The following PTPN2 variants were observed in gnomAD, a reference collection of about 807,000 sequenced individuals.
PTPN2 encodes tyrosine-protein phosphatase non-receptor type 2.
Under a neutral mutation model 57.3 loss-of-function variants are expected in PTPN2, and 19 were observed. The ratio of observed to expected loss-of-function variants is 0.33; its 90% CI spans 0.23 to 0.49. The LOEUF is 0.49. PTPN2 is among the 20% of genes least tolerant of loss of function. The pLI, the probability that PTPN2 is intolerant of heterozygous loss-of-function variation, is 0.99. For missense variants in PTPN2, 358 were observed against 501.1 expected (o/e 0.71, Z 2.73); for synonymous variants, 153 against 164.9 (o/e 0.93, Z 0.55).
intron 5 of PTPN2, among the ~76,000 whole-genome samples, chr18:12,818,729 A>G (rs2042165258): frequency 6.6e-6 from 1 of 152,032 alleles, no homozygotes; most frequent in Admixed American, 6.6e-5. Context: ...TTTAACAACT[A>G]AAGATTATTA....
intron 8 of PTPN2, among the ~76,000 whole-genome samples, chr18:12,799,966 T>C (rs2041350921): frequency 6.6e-6 from 1 of 152,134 alleles, no homozygotes; most frequent in African/African-American, 2.4e-5. Context: ...GTTTTTGTAA[T>C]CAGACTTCTC....
chr18:12,849,691 G>A (rs1294541191), intron 2 of PTPN2, among the ~76,000 whole-genome samples: 2 of 152,044 alleles, frequency 1.3e-5, no homozygotes, highest in Non-Finnish European at 2.9e-5. Context: ...CTAATCCTTT[G>A]TTAGGATTTC....
At chr18:12,786,787 C>T (rs1020744867) in intron 9 of PTPN2, 3 of 152,224 alleles carry the variant, frequency 2.0e-5, no homozygotes, top group African/African-American at 7.2e-5. Context: ...AGACAGGGCA[C>T]TTGGCATAAT....
chr18:12,840,633 C>T, intron 2 of PTPN2: 1 of 1,494,886 alleles, frequency 6.7e-7, no homozygotes. Context: ...CGCACTGTCA[C>T]TCAGGGAAGT....
At chr18:12,881,300 G>A (rs920915016) in intron 1 of PTPN2, among the ~76,000 whole-genome samples, 16 of 152,274 alleles carry the variant, frequency 1.1e-4, no homozygotes, top group Non-Finnish European at 2.4e-4. Flanking sequence ...AACCGGGCAT[G>A]GTGGTGTGTG....
intron 8 of PTPN2, among the ~76,000 whole-genome samples, chr18:12,800,231 A>T (rs1376223638): frequency 6.6e-6 from 1 of 152,158 alleles, no homozygotes; most frequent in Non-Finnish European, 1.5e-5. Flanking sequence ...TGAGTGATTT[A>T]ACTCACTAGG....
intron 1 of PTPN2, among the ~76,000 whole-genome samples, chr18:12,878,514 A>G (rs142279171): frequency 6.6e-6 from 1 of 151,972 alleles, no homozygotes; most frequent in South Asian, 2.1e-4. Flanking sequence ...TACTAAAAAT[A>G]CAAAAATTAG....
At chr18:12,879,180 C>G (rs531296785) in intron 1 of PTPN2, among the ~76,000 whole-genome samples, 9 of 152,318 alleles carry the variant, frequency 5.9e-5, no homozygotes, top group East Asian at 1.9e-4. Flanking sequence ...ACTCTGTCAC[C>G]TAGTCTGTAG....
intron 1 of PTPN2, among the ~76,000 whole-genome samples, chr18:12,874,428 G>A (rs1403987901): frequency 1.4e-5 from 2 of 147,232 alleles, no homozygotes; most frequent in East Asian, 2.1e-4. Context: ...GCCCCCGCCC[G>A]GCCTGCCGCC....
intron 2 of PTPN2, among the ~76,000 whole-genome samples, 173 bp downstream of exon 2, chr18:12,858,991 T>C (rs187476475): frequency 1.3e-5 from 2 of 152,322 alleles, no homozygotes; most frequent in Admixed American, 1.3e-4. Context: ...TATGGGTAAT[T>C]ATTTTTCCTT....
intron 2 of PTPN2, chr18:12,840,936 G>A: frequency 6.6e-7 from 1 of 1,513,428 alleles, no homozygotes; most frequent in South Asian, 1.3e-5. Context: ...CCTCCATGAT[G>A]AACTGGTCTG....
chr18:12,838,652 G>C (rs2042949275), intron 2 of PTPN2, among the ~76,000 whole-genome samples: 3 of 152,108 alleles, frequency 2.0e-5, no homozygotes, highest in Admixed American at 2.0e-4. Flanking sequence ...AATATACAGA[G>C]TCAACAAAAG....
intron 9 of PTPN2, chr18:12,786,910 AACT>A (rs1451733597): frequency 6.6e-6 from 1 of 152,202 alleles, no homozygotes; most frequent in Non-Finnish European, 1.5e-5. Flanking sequence ...GTGAGCCCAC[AACT>A]ACTATGGGTG....
downstream of PTPN2, among the ~76,000 whole-genome samples, chr18:12,791,151 CATAAA>C (rs1383444035): frequency 6.6e-6 from 1 of 152,078 alleles, no homozygotes; most frequent in Non-Finnish European, 1.5e-5. Flanking sequence ...CATAGGCTAA[CATAAA>C]ATAAATACTT....
At chr18:12,847,545 G>A (rs2043252639) in intron 2 of PTPN2, among the ~76,000 whole-genome samples, 1 of 151,838 alleles carries the variant, frequency 6.6e-6, no homozygotes, top group Non-Finnish European at 1.5e-5. Context: ...CCACTCCAGT[G>A]CATCAATAGC....
chr18:12,861,589 G>T (rs1320877094), intron 1 of PTPN2, among the ~76,000 whole-genome samples: 1 of 152,164 alleles, frequency 6.6e-6, no homozygotes, highest in African/African-American at 2.4e-5. Context: ...TATGCTAAAG[G>T]TTAGCATAAA....
intron 2 of PTPN2, chr18:12,840,939 C>A: frequency 6.7e-7 from 1 of 1,500,436 alleles, no homozygotes; most frequent in Non-Finnish European, 8.9e-7. Flanking sequence ...CCATGATGAA[C>A]TGGTCTGTTC....
At chr18:12,852,442 T>C (rs1348919743) in intron 2 of PTPN2, among the ~76,000 whole-genome samples, 1 of 152,222 alleles carries the variant, frequency 6.6e-6, no homozygotes, top group Non-Finnish European at 1.5e-5. Flanking sequence ...CCATCTCTTC[T>C]ACAATGTCTC....
intron 5 of PTPN2, among the ~76,000 whole-genome samples, chr18:12,820,652 C>G (rs1363869942): frequency 6.6e-6 from 1 of 152,230 alleles, no homozygotes; most frequent in Non-Finnish European, 1.5e-5. Flanking sequence ...TACTTCTCCT[C>G]TGGTCCCCAG....
Sources: allele counts gnomAD v4.1 joint callset (sites outside exome capture counted in the v4.1 genomes callset), GRCh38; gene constraint gnomAD v4.1.1; transcripts MANE v1.5; gene names NCBI Gene and HGNC (gene_info 2026-07-23, HGNC 2026-07-21).